The following NOTCH2NLC variants were observed in gnomAD, a reference collection of about 807,000 sequenced individuals.
The protein encoded by NOTCH2NLC is notch homolog 2 N-terminal-like protein C.
In NOTCH2NLC, 4 loss-of-function variants were observed where a neutral mutation model predicts 17.7. The observed-to-expected ratio is 0.23, with a 90% CI of 0.11 to 0.52. NOTCH2NLC has a LOEUF of 0.52. Ranked by LOEUF, NOTCH2NLC falls within the 20% of genes least tolerant of loss-of-function variation. The pLI is 0.96. For synonymous variants in NOTCH2NLC, 18 were observed against 86.0 expected (o/e 0.21, Z 4.38); for missense variants, 57 against 207.2 (o/e 0.28, Z 4.45).
chr1:149,400,139 A>ATATTTT lies in NOTCH2NLC; in HGVS notation c.135+9218_135+9219insATTTTT, dbSNP rs1570899101. Among the ~76,000 whole-genome samples, 39 of 131,940 alleles carry ATATTTT rather than the reference A, an allele frequency of 3.0e-4. No individual in the cohort carries two copies. The East Asian group carries it at 6.3e-3, about 21-fold the overall frequency. The allele number at this position is 131,940 out of a possible 152,430, so 86.6% of individuals were successfully genotyped here. A position where few individuals can be genotyped will look rare whatever the true frequency, so the allele number is the denominator to read the frequency against. On this transcript the variant is annotated intron_variant, in intron 1 of 4. Transcript: ENST00000650865. Reference sequence around the variant, plus strand: ...ATATATATATATATATATAATATATATTTTTTTTTTAGTTTATGAACAGAT... The same window carrying ATATTTT: ...ATATATATATATATATATAATATATATATTTTTTTTTTTTTTAGTTTATGAACAGAT...
intron 2 of NOTCH2NLC, among the ~76,000 whole-genome samples, chr1:149,436,738 C>A (rs1244268676): frequency 1.3e-5 from 2 of 150,056 alleles, no homozygotes; most frequent in African/African-American, 4.9e-5. Context: ...ACTGGTTCTG[C>A]CAGCCTAGTT....
rs1163158429 is a variant in NOTCH2NLC, at chr1:149,432,551, G to A, written c.209+1536G>A. ...GGAGGGAACTTAATACCTTAGAGTA[G>A]GCCACTGAAATCTTGTTTAGTCTTT... is the stretch of plus-strand genomic sequence containing the variant. On this transcript the variant is annotated intron_variant, in intron 2 of 4. Coordinates refer to ENST00000650865, the MANE Select transcript of NOTCH2NLC (RefSeq NM_001364013.2). 1.3e-5 allele frequency among the ~76,000 whole-genome samples: 2 copies of A among 150,946 alleles called. 1 individual carries two copies. The highest frequency in any genetic ancestry group is 3.9e-4 in the East Asian group (2 of 5,108).
intron 1 of NOTCH2NLC, among the ~76,000 whole-genome samples, chr1:149,416,998 T>C (rs1463142048): frequency 6.8e-6 from 1 of 147,626 alleles, no homozygotes; most frequent in Non-Finnish European, 1.5e-5. Context: ...ATGTTTTTGA[T>C]GTGCATAGCT....
At chr1:149,391,045 C>T (rs2084163248) in intron 1 of NOTCH2NLC, 123 bp downstream of exon 1, 2 of 865,266 alleles carry the variant, frequency 2.3e-6, no homozygotes, top group Non-Finnish European at 2.9e-6. Flanking sequence ...CGGAGCGAGG[C>T]CACTCGCTGG....
chr1:149,461,997 G>A (rs1290942304), intron 3 of NOTCH2NLC, among the ~76,000 whole-genome samples: 1 of 132,322 alleles, frequency 7.6e-6, no homozygotes, highest in Non-Finnish European at 1.6e-5. Flanking sequence ...TGGTGGGACG[G>A]GGGAGGGATA....
chr1:149,412,812 CAAAAAA>C (rs1171085478), intron 1 of NOTCH2NLC, among the ~76,000 whole-genome samples: 34 of 43,822 alleles, frequency 7.8e-4, no homozygotes, highest in African/African-American at 2.8e-3. Context: ...GACTGCATCT[CAAAAAA>C]AAAAAAAAAA....
chr1:149,432,355 A>G (rs1393375874), intron 2 of NOTCH2NLC, among the ~76,000 whole-genome samples: 1 of 151,060 alleles, frequency 6.6e-6, no homozygotes, highest in Non-Finnish European at 1.5e-5. Flanking sequence ...TTAAGCTGTG[A>G]TGACAGTAAA....
intron 3 of NOTCH2NLC, among the ~76,000 whole-genome samples, chr1:149,460,853 CCCTTTCTTTCTTTCTTTCTT>C (rs2084641126): frequency 1.1e-4 from 12 of 107,514 alleles, no homozygotes; most frequent in Admixed American, 3.9e-4. Flanking sequence ...CTTTCTTTCT[CCCTTTCTTTCTTTCTTTCTT>C]TCTTTCTTTC....
rs1468276250 is a variant in NOTCH2NLC at position 149,471,627 on chromosome 1, G to A, written c.*7474G>A. 6.7e-6 allele frequency among the ~76,000 whole-genome samples: 1 copy of A among 149,822 alleles called. No individual in the cohort carries two copies. The highest frequency in any genetic ancestry group is 2.5e-5 in the African/African-American group (1 of 40,782). Reference sequence around the variant, plus strand: ...GGTTGTCAGAGACTGCAAGAAGTGGGGAATTGGAGAGTGACTGCCCATAGG... The same window carrying A: ...GGTTGTCAGAGACTGCAAGAAGTGGAGAATTGGAGAGTGACTGCCCATAGG... On this transcript the variant is annotated 3_prime_UTR_variant, in exon 5 of 5. Coordinates refer to ENST00000650865, the MANE Select transcript of NOTCH2NLC (RefSeq NM_001364013.2).
chr1:149,400,909 CAGTT>C (rs1187453292), intron 1 of NOTCH2NLC, among the ~76,000 whole-genome samples: 1 of 150,764 alleles, frequency 6.6e-6, no homozygotes, highest in East Asian at 2.0e-4. Flanking sequence ...TGGGTCTAGT[CAGTT>C]AGCTTGGTCA....
chr1:149,399,799 G>C (rs1326934387), intron 1 of NOTCH2NLC, among the ~76,000 whole-genome samples: 4 of 142,596 alleles, frequency 2.8e-5, no homozygotes, highest in African/African-American at 1.0e-4. Context: ...TTCTTTCTAA[G>C]AGAGTTAAGG....
Position 149,400,168 on chromosome 1 carries a change from CAT to C in NOTCH2NLC, c.135+9257_135+9258del, listed in dbSNP as rs1329864642. Among the ~76,000 whole-genome samples the C allele has an allele frequency of 3.0e-4, 40 of 133,818 alleles. 1 individual carries two copies. Among genetic ancestry groups the C allele is most frequent in the African/African-American group, 7.4e-4 (27 of 36,372 alleles). 87.8% of individuals were successfully genotyped at this position (133,818 alleles called of 152,430 possible). On this transcript the variant is annotated intron_variant, in intron 1 of 4. Coordinates refer to ENST00000650865, the MANE Select transcript of NOTCH2NLC (RefSeq NM_001364013.2). ...TTTTTTTAGTTTATGAACAGATCTACATATATATATATGCACACACACATAAT... is the reference window on the plus strand; with the variant it reads ...TTTTTTTAGTTTATGAACAGATCTACATATATATATGCACACACACATAAT...
chr1:149,421,491 T>A (rs2084379204), intron 1 of NOTCH2NLC, among the ~76,000 whole-genome samples: 2 of 107,984 alleles, frequency 1.9e-5, no homozygotes, highest in African/African-American at 3.9e-5. Context: ...AGAGCGAGAC[T>A]CCATCTCAAA....
At chr1:149,392,920 A>C (rs1412138533) in intron 1 of NOTCH2NLC, among the ~76,000 whole-genome samples, 17 of 149,990 alleles carry the variant, frequency 1.1e-4, no homozygotes, top group African/African-American at 4.2e-4. Flanking sequence ...AAATACAAAA[A>C]ATTAGCCGGG....
At chr1:149,397,989 A>T (rs1325863749) in intron 1 of NOTCH2NLC, among the ~76,000 whole-genome samples, 3 of 140,954 alleles carry the variant, frequency 2.1e-5, no homozygotes, top group African/African-American at 8.0e-5. Context: ...TGACATCATC[A>T]TGGAGACAAG....
intron 3 of NOTCH2NLC, among the ~76,000 whole-genome samples, chr1:149,459,798 CT>C (rs1483407361): frequency 8.0e-6 from 1 of 125,284 alleles, no homozygotes; most frequent in African/African-American, 3.0e-5. Context: ...GCAAAAGGCA[CT>C]TCTTTCATGG....
chr1:149,418,694 G>T, intron 1 of NOTCH2NLC, among the ~76,000 whole-genome samples: 1 of 125,850 alleles, frequency 7.9e-6, no homozygotes, highest in Middle Eastern at 4.0e-3. Flanking sequence ...TCTCTCGGAG[G>T]AAGATAGAAA....
At chr1:149,445,392 TA>T (rs1320579674) in intron 2 of NOTCH2NLC, among the ~76,000 whole-genome samples, 2 of 120,248 alleles carry the variant, frequency 1.7e-5, no homozygotes, top group African/African-American at 6.2e-5. Context: ...GGGGACAGAG[TA>T]GGGGGGCAGG....
intron 1 of NOTCH2NLC, among the ~76,000 whole-genome samples, chr1:149,392,605 A>G (rs2084175691): frequency 6.6e-6 from 1 of 151,260 alleles, no homozygotes; most frequent in African/African-American, 2.4e-5. Context: ...AGAGAGGAGT[A>G]TAATCAATGA....
Sources: allele counts gnomAD v4.1 joint callset (sites outside exome capture counted in the v4.1 genomes callset), GRCh38; gene constraint gnomAD v4.1.1; transcripts MANE v1.5; gene names NCBI Gene and HGNC (gene_info 2026-07-23, HGNC 2026-07-21).